The following CADM2 variants were observed in gnomAD, a reference collection of about 807,000 sequenced individuals.
CADM2 encodes immunoglobulin superfamily member 4D.
A neutral mutation model predicts 49.8 loss-of-function variants in CADM2; 12 were observed. The observed-to-expected ratio is 0.24, with a 90% CI of 0.15 to 0.39. The LOEUF (loss-of-function observed/expected upper bound fraction) is 0.39, where lower values mean the gene tolerates loss of function less well. CADM2 is among the 10% of genes least tolerant of loss of function. The pLI, the probability that CADM2 is intolerant of heterozygous loss-of-function variation, is 1.00. For missense variants in CADM2, 378 were observed against 492.3 expected (o/e 0.77, Z 2.20); for synonymous variants, 214 against 175.4 (o/e 1.22, Z -1.74).
At chr3:85,279,860 T>C (rs538959244) in intron 1 of CADM2, among the ~76,000 whole-genome samples, 2 of 151,780 alleles carry the variant, frequency 1.3e-5, no homozygotes, top group East Asian at 3.9e-4. Flanking sequence ...TCAAGTAGTT[T>C]GCCAACTTTT....
At chr3:85,717,135 A>C (rs2067321849) in intron 1 of CADM2, among the ~76,000 whole-genome samples, 1 of 152,154 alleles carries the variant, frequency 6.6e-6, no homozygotes, top group Non-Finnish European at 1.5e-5. Flanking sequence ...TGAGCATGGA[A>C]TGTTTTTCCA....
chr3:85,857,665 C>A (rs2075368560), intron 3 of CADM2, among the ~76,000 whole-genome samples: 1 of 152,022 alleles, frequency 6.6e-6, no homozygotes. Flanking sequence ...AAGGGACAGG[C>A]AGAACAAATT....
intron 1 of CADM2, among the ~76,000 whole-genome samples, chr3:85,140,864 A>G (rs979053863): frequency 6.6e-6 from 1 of 152,172 alleles, no homozygotes; most frequent in Non-Finnish European, 1.5e-5. Flanking sequence ...TTAGCTGATT[A>G]TAGACTTTGG....
chr3:85,791,336 G>T (rs892984949), intron 2 of CADM2, among the ~76,000 whole-genome samples: 3 of 152,138 alleles, frequency 2.0e-5, no homozygotes, highest in Non-Finnish European at 4.4e-5. Flanking sequence ...ACATTAGAAG[G>T]TTATTTGTTT....
At chr3:85,899,957 C>T (rs1413285408) in intron 5 of CADM2, among the ~76,000 whole-genome samples, 3 of 152,122 alleles carry the variant, frequency 2.0e-5, no homozygotes, top group Admixed American at 6.5e-5. Context: ...CTCTTCTTCT[C>T]GGTACTCTGC....
At chr3:85,539,023 C>G (rs1262552342) in intron 1 of CADM2, among the ~76,000 whole-genome samples, 2 of 151,858 alleles carry the variant, frequency 1.3e-5, no homozygotes, top group African/African-American at 4.8e-5. Flanking sequence ...GTACTTTTGC[C>G]TTCCCTTATA....
chr3:85,141,409 A>T (rs557906391), intron 1 of CADM2, among the ~76,000 whole-genome samples: 1 of 152,184 alleles, frequency 6.6e-6, no homozygotes, highest in Admixed American at 6.5e-5. Flanking sequence ...TATGGGAAAC[A>T]TTGTAAAAAC....
chr3:85,101,274 AAAAC>A (rs2038001693), intron 1 of CADM2, among the ~76,000 whole-genome samples: 1 of 152,048 alleles, frequency 6.6e-6, no homozygotes, highest in South Asian at 2.1e-4. Context: ...AAACAAACAA[AAAAC>A]AAATCAACTT....
chr3:85,639,991 T>C (rs1280685948), intron 1 of CADM2, among the ~76,000 whole-genome samples: 1 of 152,208 alleles, frequency 6.6e-6, no homozygotes, highest in African/African-American at 2.4e-5. Context: ...GTTTTATTTA[T>C]TACCATTTTT....
chr3:84,980,946 T>C (rs1455951491), intron 1 of CADM2, among the ~76,000 whole-genome samples: 1 of 152,128 alleles, frequency 6.6e-6, no homozygotes, highest in Non-Finnish European at 1.5e-5. Context: ...CAGTGGTATT[T>C]TGTAAAATAT....
chr3:84,984,356 TA>T (rs375702349), intron 1 of CADM2, among the ~76,000 whole-genome samples: 8,563 of 64,976 alleles, frequency 0.13, 272 homozygotes, highest in East Asian at 0.15. Flanking sequence ...AAGATTAAGC[TA>T]AAAAAAAAAA....
At chr3:85,066,324 T>G (rs143184389) in intron 1 of CADM2, among the ~76,000 whole-genome samples, 7 of 151,394 alleles carry the variant, frequency 4.6e-5, no homozygotes, top group Middle Eastern at 3.4e-3. Context: ...CCATGAGACA[T>G]GGTGGGTGGA....
chr3:85,358,829 T>C (rs1407380024), intron 1 of CADM2, among the ~76,000 whole-genome samples: 1 of 152,182 alleles, frequency 6.6e-6, no homozygotes, highest in Non-Finnish European at 1.5e-5. Flanking sequence ...GTTGTTTTAG[T>C]GGCTGGTTAA....
intron 6 of CADM2, among the ~76,000 whole-genome samples, chr3:85,934,788 T>A (rs2108536426): frequency 6.6e-6 from 1 of 152,132 alleles, no homozygotes; most frequent in Non-Finnish European, 1.5e-5. Flanking sequence ...ATGTATATAA[T>A]AACAGTGCAG....
chr3:85,122,762 T>C (rs1023003920), intron 1 of CADM2, among the ~76,000 whole-genome samples: 1 of 152,084 alleles, frequency 6.6e-6, no homozygotes, highest in Non-Finnish European at 1.5e-5. Context: ...TTTTCCCTGA[T>C]AGTATCACCT....
chr3:86,016,310 A>G (rs1732223366), intron 8 of CADM2, among the ~76,000 whole-genome samples: 1 of 152,174 alleles, frequency 6.6e-6, no homozygotes, highest in East Asian at 1.9e-4. Flanking sequence ...ATATTTAATT[A>G]CTAATAAGCA....
intron 2 of CADM2, among the ~76,000 whole-genome samples, chr3:85,731,123 A>C (rs1309869792): frequency 6.6e-6 from 1 of 152,160 alleles, no homozygotes; most frequent in Non-Finnish European, 1.5e-5. Flanking sequence ...GAATATTATA[A>C]ATCTGCTATA....
intron 8 of CADM2, among the ~76,000 whole-genome samples, chr3:86,011,477 CA>C (rs1267036657): frequency 1.3e-5 from 2 of 151,958 alleles, no homozygotes. Context: ...ATATGTATAC[CA>C]AAGGCCGTTG....
At chr3:85,601,163 T>TACATATATATAC (rs1559935896) in intron 1 of CADM2, among the ~76,000 whole-genome samples, 1 of 85,652 alleles carries the variant, frequency 1.2e-5, no homozygotes, top group African/African-American at 4.6e-5. Context: ...TATATATATA[T>TACATATATATAC]ATATATATAT....
Sources: allele counts gnomAD v4.1 joint callset (sites outside exome capture counted in the v4.1 genomes callset), GRCh38; gene constraint gnomAD v4.1.1; transcripts MANE v1.5; gene names NCBI Gene and HGNC (gene_info 2026-07-23, HGNC 2026-07-21).